Variants in ZFHX4 observed in about 807,000 individuals in gnomAD.
ZFHX4 encodes zinc finger homeobox protein 4.
Under a neutral mutation model 267.6 loss-of-function variants are expected in ZFHX4, and 56 were observed. The ratio of observed to expected loss-of-function variants is 0.21; its 90% CI spans 0.17 to 0.26. The LOEUF is 0.26. Among genes scored for constraint, ZFHX4 ranks in the 10% least tolerant of loss-of-function variants. The pLI, the probability that ZFHX4 is intolerant of heterozygous loss-of-function variation, is 1.00. For synonymous variants in ZFHX4, 1,778 were observed against 1,665.6 expected, an observed-to-expected ratio of 1.07 and a Z score of -1.64; for missense variants, 4,332 against 4,420.0, an observed-to-expected ratio of 0.98 and a Z score of 0.56.
chr8:76,712,293 T>C (rs1205818607), intron 3 of ZFHX4, among the ~76,000 whole-genome samples: 1 of 152,120 alleles, frequency 6.6e-6, no homozygotes, highest in African/African-American at 2.4e-5. Flanking sequence ...AATCAAGGTG[T>C]TGGGGAGGCC....
Position 76,773,881 on chromosome 8 carries a change from G to A in ZFHX4, c.3094-4327G>A, listed in dbSNP as rs893305494. Reference sequence around the variant, plus strand: ...TCTTTCTCAGAATGCATCATTTTAAGTTTAATAAGCAGAATAGTATAATGA... The same window carrying A: ...TCTTTCTCAGAATGCATCATTTTAAATTTAATAAGCAGAATAGTATAATGA... On this transcript the variant is annotated intron_variant, in intron 3 of 10. Coordinates refer to ENST00000651372, the MANE Select transcript of ZFHX4 (RefSeq NM_024721.5). Among the ~76,000 whole-genome samples, 11 of 152,120 alleles carry A rather than the reference G, an allele frequency of 7.2e-5. 1 individual carries two copies. In the East Asian group the frequency reaches 1.5e-3, roughly 21 times the overall value.
chr8:76,763,977 A>T (rs1015026957), intron 3 of ZFHX4, among the ~76,000 whole-genome samples: 3 of 152,316 alleles, frequency 2.0e-5, no homozygotes, highest in Admixed American at 6.5e-5. Flanking sequence ...TCATATGTTC[A>T]TAATCTTTAT....
chr8:76,815,978 T>C (rs1247355127), intron 4 of ZFHX4, among the ~76,000 whole-genome samples: 1 of 152,216 alleles, frequency 6.6e-6, no homozygotes, highest in Non-Finnish European at 1.5e-5. Context: ...TGAGGTCTTG[T>C]CGTTAACCTT....
intron 3 of ZFHX4, among the ~76,000 whole-genome samples, chr8:76,709,793 G>A (rs1004998450): frequency 2.2e-5 from 3 of 138,518 alleles, no homozygotes; most frequent in South Asian, 2.2e-4. Context: ...GTGTGTGTGC[G>A]TGTGTGTGCG....
At chr8:76,707,262 G>T (rs557143953) in intron 2 of ZFHX4, among the ~76,000 whole-genome samples, 1 of 152,130 alleles carries the variant, frequency 6.6e-6, no homozygotes, top group Admixed American at 6.5e-5. Flanking sequence ...TAAATTGAAA[G>T]CACGTGACTG....
Position 76,704,804 on chromosome 8 carries a change from A to C in ZFHX4, c.716A>C (p.Asp239Ala), listed in dbSNP as rs771255702. 6.2e-7 allele frequency: 1 copy of C among 1,614,138 alleles called. No individual in the cohort carries two copies. The highest frequency in any genetic ancestry group is 8.5e-7 in the Non-Finnish European group (1 of 1,179,986). The change falls in exon 2 of 11, where the codon GAC becomes GCC. Residue 239 changes from aspartate to alanine, a missense_variant. Coordinates refer to ENST00000651372, the MANE Select transcript of ZFHX4 (RefSeq NM_024721.5). Reference protein sequence around the residue: ...VYDLRHKREKDYLTSDGSAKN... With the variant: ...VYDLRHKREKAYLTSDGSAKN... ...GATCTCCGACACAAGAGAGAGAAAG[A>C]CTATCTAACCAGTGATGGCTCAGCC...
intron 4 of ZFHX4, among the ~76,000 whole-genome samples, chr8:76,819,075 T>C (rs1811577128): frequency 6.6e-6 from 1 of 152,006 alleles, no homozygotes; most frequent in African/African-American, 2.4e-5. Context: ...GCAGTACATT[T>C]TCCCCTTTCA....
intron 4 of ZFHX4, among the ~76,000 whole-genome samples, chr8:76,795,020 A>T (rs1810940151): frequency 6.6e-6 from 1 of 152,058 alleles, no homozygotes; most frequent in Non-Finnish European, 1.5e-5. Flanking sequence ...AGTACAAAGT[A>T]GTGGCTTCCT....
chr8:76,683,222 G>C (rs1807592767), intron 1 of ZFHX4: 1 of 150,624 alleles, frequency 6.6e-6, no homozygotes, highest in Non-Finnish European at 1.5e-5. Context: ...GGTTCAGATC[G>C]CAAACACGGA....
Position 76,726,514 on chromosome 8 carries a change from G to T in ZFHX4, c.3093+18466G>T, listed in dbSNP as rs10100655. ...AGATTAAATATCTGTTTTCATTTTA[G>T]TAGTGGTTTGAGATAGTAATGCAGT... is the stretch of plus-strand genomic sequence containing the variant. On this transcript the variant is annotated intron_variant, in intron 3 of 10. Transcript: ENST00000651372. Among the ~76,000 whole-genome samples, 863 of 152,262 alleles carry T rather than the reference G, an allele frequency of 5.7e-3. 6 individuals are homozygous for T. Among genetic ancestry groups the T allele is most frequent in the African/African-American group, 0.019 (804 of 41,558 alleles).
At chr8:76,816,976 C>G (rs1292821990) in intron 4 of ZFHX4, among the ~76,000 whole-genome samples, 2 of 152,020 alleles carry the variant, frequency 1.3e-5, no homozygotes, top group Non-Finnish European at 2.9e-5. Context: ...TTAACTGTTA[C>G]ACATTTCCAG....
chr8:76,728,921 G>A lies in ZFHX4; in HGVS notation c.3093+20873G>A, dbSNP rs567415707. Reference sequence around the variant, plus strand: ...CCATTTTCATAGGTTTTAGGAAAATGTAAGTTTTATTTGAGAGACTTGACC... The same window carrying A: ...CCATTTTCATAGGTTTTAGGAAAATATAAGTTTTATTTGAGAGACTTGACC... On this transcript the variant is annotated intron_variant, in intron 3 of 10. Transcript: ENST00000651372. 3.9e-5 allele frequency among the ~76,000 whole-genome samples: 6 copies of A among 152,292 alleles called. No homozygotes were observed. In the East Asian group the frequency reaches 9.6e-4, roughly 24 times the overall value.
chr8:76,703,891 C>T (rs967732096), intron 1 of ZFHX4, among the ~76,000 whole-genome samples, 152 bp from the exon 2 acceptor site: 1 of 152,118 alleles, frequency 6.6e-6, no homozygotes, highest in African/African-American at 2.4e-5. Flanking sequence ...ATACAAAGTC[C>T]GTCTGTGATA....
At chr8:76,761,883 T>G (rs1283893141) in intron 3 of ZFHX4, among the ~76,000 whole-genome samples, 1 of 152,170 alleles carries the variant, frequency 6.6e-6, no homozygotes, top group Non-Finnish European at 1.5e-5. Flanking sequence ...TACAATAGGA[T>G]CACTTGAGAA....
rs1425826666 is a variant in ZFHX4 at position 76,851,935 on chromosome 8, A to G, written c.5014A>G (p.Lys1672Glu). 6 of 1,614,028 alleles carry G rather than the reference A, an allele frequency of 3.7e-6. No individual in the cohort carries two copies. Among genetic ancestry groups the G allele is most frequent in the East Asian group, 2.2e-5 (1 of 44,866 alleles). ...DTHLDAKELN[K>E]KQTPDLISAQ... ...CCATTTAGATGCCAAAGAATTAAATAAAAAGCAAACTCCTGATTTAATCTC... is the reference window on the plus strand; with the variant it reads ...CCATTTAGATGCCAAAGAATTAAATGAAAAGCAAACTCCTGATTTAATCTC... Residue 1672 changes from lysine to glutamate, a missense_variant, in exon 10 of 11, where the codon AAA becomes GAA. Physicochemically the swap from Lys to Glu is moderately conservative, Grantham distance 56. This residue lies in a region of ZFHX4 where 1,371 missense variants were observed against 1,423.1 expected (regional missense o/e 0.96). Coordinates refer to ENST00000651372, the MANE Select transcript of ZFHX4 (RefSeq NM_024721.5).
rs573369419 is a variant in ZFHX4, at chr8:76,856,978, A to G, written c.9379+678A>G. ...TCAGCAACCTTAGAAATACATTAATATTACTTCATGCCTTTATTCCCTCAC... is the reference window on the plus strand; with the variant it reads ...TCAGCAACCTTAGAAATACATTAATGTTACTTCATGCCTTTATTCCCTCAC... On this transcript the variant is annotated intron_variant, in intron 10 of 10. Transcript: ENST00000651372. Among the ~76,000 whole-genome samples, 3 of 152,342 alleles carry G rather than the reference A, an allele frequency of 2.0e-5. No homozygotes were observed. The South Asian group carries it at 6.2e-4, about 32-fold the overall frequency.
At chr8:76,727,975 A>C (rs980759269) in intron 3 of ZFHX4, among the ~76,000 whole-genome samples, 11 of 152,198 alleles carry the variant, frequency 7.2e-5, no homozygotes, top group Non-Finnish European at 1.3e-4. Context: ...CTCACTCAGC[A>C]GCATTAACCC....
chr8:76,814,045 A>T (rs946622925), intron 4 of ZFHX4, among the ~76,000 whole-genome samples: 1 of 152,066 alleles, frequency 6.6e-6, no homozygotes, highest in African/African-American at 2.4e-5. Flanking sequence ...TCATCATGCT[A>T]TTCTTCCGTA....
intron 5 of ZFHX4, 185 bp downstream of exon 5, chr8:76,833,591 C>A: frequency 1.9e-6 from 1 of 537,000 alleles, no homozygotes; most frequent in Non-Finnish European, 3.3e-6. Flanking sequence ...TGTAAATTGA[C>A]TTTACATTTT....
Sources: gnomAD v4.1 joint callset for allele counts (sites outside exome capture counted in the v4.1 genomes callset) on GRCh38, gnomAD v4.1.1 for gene constraint, gnomAD v4.1.1 regional missense constraint, MANE v1.5 for transcripts, NCBI Gene and HGNC (gene_info 2026-07-23, HGNC 2026-07-21) for gene names.